Variants in TMEM175 observed in about 807,000 individuals in gnomAD.
TMEM175 encodes transmembrane protein 175.
TMEM175 carries 36 observed loss-of-function variants against 36.5 expected under a neutral mutation model. That is an observed-to-expected ratio of 0.99 (90% CI 0.76 to 1.30). The LOEUF is 1.30. Ranked by LOEUF, TMEM175 falls within the 50% of genes most tolerant of loss-of-function variation. The pLI is 0.00. For synonymous variants in TMEM175, 339 were observed against 313.4 expected (o/e 1.08, Z -0.86); for missense variants, 705 against 692.8 (o/e 1.02, Z -0.20).
At chr4:957,358 G>T (rs980488327) in intron 10 of TMEM175, among the ~76,000 whole-genome samples, 2 of 152,190 alleles carry the variant, frequency 1.3e-5, no homozygotes, top group African/African-American at 2.4e-5. Context: ...GAGGGAGTTG[G>T]CCTCCTGAGA....
At chr4:954,591 C>G (rs191203772) in intron 8 of TMEM175, among the ~76,000 whole-genome samples, 6 of 152,302 alleles carry the variant, frequency 3.9e-5, no homozygotes, top group African/African-American at 1.2e-4. Flanking sequence ...AGTGATGCCT[C>G]TCTGAGCATT....
intron 10 of TMEM175, chr4:956,404 G>A (rs931018796): frequency 1.9e-5 from 24 of 1,288,972 alleles, no homozygotes; most frequent in African/African-American, 1.7e-4. Flanking sequence ...GTTAGAGCGC[G>A]CGTCTCGTCT....
At position 957,870 on chromosome 4, in the gene TMEM175, G is replaced by A. The variant is rs753603037; in HGVS notation, c.889G>A (p.Gly297Ser). Residue 297 changes from glycine to serine, a missense_variant, in exon 11 of 11, where the codon GGC (glycine) becomes AGC (serine). Transcript: ENST00000264771. ...CAAGGATGTGAAGGAGAGGTTCAGC[G>A]GCAGCCTCGTGGCCGCCCTGAGTGC... Reference protein sequence around the residue: ...DPKDVKERFSGSLVAALSATG... With the variant: ...DPKDVKERFSSSLVAALSATG... 1.1e-5 allele frequency: 17 copies of A among 1,612,422 alleles called. No individual in the cohort carries two copies. The highest frequency in any genetic ancestry group is 6.7e-5 in the Admixed American group (4 of 59,978).
intron 1 of TMEM175, among the ~76,000 whole-genome samples, chr4:938,836 A>G (rs532778667): frequency 8.5e-5 from 13 of 152,388 alleles, no homozygotes; most frequent in South Asian, 8.3e-4. Context: ...TGTAGATTCA[A>G]TGTAAACCAG....
At chr4:944,879 T>C (rs1292841745) in intron 1 of TMEM175, among the ~76,000 whole-genome samples, 2 of 152,030 alleles carry the variant, frequency 1.3e-5, no homozygotes, top group Non-Finnish European at 2.9e-5. Context: ...GGCAAGGAGA[T>C]TGCTTGAGCC....
chr4:951,873 T>TG, intron 6 of TMEM175, 156 bp downstream of exon 6: 1 of 794,722 alleles, frequency 1.3e-6, no homozygotes, highest in Non-Finnish European at 2.1e-6. Flanking sequence ...GTTGGGCTGT[T>TG]GGGGGCTTCT....
chr4:943,356 A>G (rs1174628105), intron 1 of TMEM175, among the ~76,000 whole-genome samples: 1 of 152,092 alleles, frequency 6.6e-6, no homozygotes, highest in African/African-American at 2.4e-5. Flanking sequence ...GGATCAAGCA[A>G]TTCTCCTGCC....
intron 1 of TMEM175, among the ~76,000 whole-genome samples, chr4:936,391 G>A (rs1726783921): frequency 6.6e-6 from 1 of 151,328 alleles, no homozygotes; most frequent in South Asian, 2.1e-4. Flanking sequence ...GTATCAGAGT[G>A]GAATTCAAAA....
Position 948,144 on chromosome 4 carries a change from C to T in TMEM175, c.182C>T (p.Ser61Phe). 1 of 1,614,138 alleles carries T rather than the reference C, an allele frequency of 6.2e-7. No individual in the cohort carries two copies. Among genetic ancestry groups the T allele is most frequent in the Non-Finnish European group, 8.5e-7 (1 of 1,180,028 alleles). ...CTGCCTGTGACCCACACGGAGATCT[C>T]CCCAGAACAGGTAACGGGGCAGGCT... ...MILPVTHTEI[S>F]PEQQFDRSVQ... is the part of the protein sequence containing the mutation. The change falls in exon 3 of 11, where the codon TCC becomes TTC. Residue 61 changes from serine (S) to phenylalanine (F), a missense_variant. Transcript: ENST00000264771.
chr4:934,773 C>A (rs1279385619), intron 1 of TMEM175, among the ~76,000 whole-genome samples: 1 of 152,200 alleles, frequency 6.6e-6, no homozygotes, highest in Non-Finnish European at 1.5e-5. Context: ...TAAGATAATT[C>A]TATCTTAATG....
rs369664195 is a variant in TMEM175, at chr4:950,525, G to A, written c.290+7G>A. 5.0e-6 allele frequency: 8 copies of A among 1,611,804 alleles called. No individual in the cohort carries two copies. In the African/African-American group the frequency reaches 8.0e-5, roughly 16 times the overall value. On this transcript the variant is annotated splice_region_variant and intron_variant, in intron 4 of 10. Coordinates refer to ENST00000264771, the MANE Select transcript of TMEM175 (RefSeq NM_032326.4). ...CCTGGGCAGCACACACAAGGTGGGG[G>A]CCCGGGCGCTTCCAGCGGTCCATAG...
At chr4:953,808 C>A (rs1214523997) in intron 8 of TMEM175, among the ~76,000 whole-genome samples, 1 of 152,210 alleles carries the variant, frequency 6.6e-6, no homozygotes, top group Non-Finnish European at 1.5e-5. Context: ...ACCTCAGCCT[C>A]CCAAGTAGCT....
intron 8 of TMEM175, 21 bp from the exon 9 acceptor site, chr4:955,384 C>G (rs146038944): frequency 5.6e-6 from 9 of 1,609,348 alleles, no homozygotes; most frequent in African/African-American, 2.7e-5. Context: ...GGGCACTGAC[C>G]TGCGGTTTGT....
chr4:947,245 G>T, intron 1 of TMEM175, among the ~76,000 whole-genome samples: 1 of 145,512 alleles, frequency 6.9e-6, no homozygotes, highest in African/African-American at 2.5e-5. Flanking sequence ...CACGGGCCCC[G>T]AGAGCGAGAG....
At chr4:950,348 C>T (rs545922124) in intron 3 of TMEM175, 73 bp from the exon 4 acceptor site, 19 of 1,258,492 alleles carry the variant, frequency 1.5e-5, no homozygotes, top group African/African-American at 4.4e-5. Flanking sequence ...CCCCCCCTCA[C>T]GGTGCTGTCT....
intron 8 of TMEM175, 82 bp downstream of exon 8, chr4:953,436 G>A (rs1729219467): frequency 1.6e-5 from 23 of 1,482,386 alleles, no homozygotes; most frequent in South Asian, 6.6e-5. Flanking sequence ...CAACAAACAC[G>A]GGGGTGGGGG....
Position 951,674 on chromosome 4 carries a change from C to G in TMEM175, c.343-8C>G, listed in dbSNP as rs771168944. 130 of 1,614,022 alleles carry G rather than the reference C, an allele frequency of 8.1e-5. No individual in the cohort carries two copies. Among genetic ancestry groups the G allele is most frequent in the Non-Finnish European group, 1.0e-4 (121 of 1,180,010 alleles). On this transcript the variant is annotated splice_polypyrimidine_tract_variant and splice_region_variant and intron_variant, in intron 5 of 10. Coordinates refer to ENST00000264771, the MANE Select transcript of TMEM175 (RefSeq NM_032326.4). ...GCATCATGGCTGTGATGCCCTCCCT[C>G]CCTCCAGGCCTGCATGATGACCATC... is the stretch of plus-strand genomic sequence containing the variant.
At position 958,423 on chromosome 4, in the gene TMEM175, G is replaced by A. The variant is rs373537498; in HGVS notation, c.1442G>A (p.Arg481Gln). Residue 481 changes from arginine to glutamine, a missense_variant, in exon 11 of 11, where the codon CGG becomes CAG. By Grantham distance (43) the Arg-to-Gln change is conservative (BLOSUM62 1). Transcript: ENST00000264771. ...CTGCGGGTCCTGCGGGGCCTCGCCCGGCCCGAACACCCCCCGCCAGCCCCC... is the reference window on the plus strand; with the variant it reads ...CTGCGGGTCCTGCGGGGCCTCGCCCAGCCCGAACACCCCCCGCCAGCCCCC... ...ATLRVLRGLARPEHPPPAPTG... is the reference protein window; with the variant it reads ...ATLRVLRGLAQPEHPPPAPTG... 9.6e-5 allele frequency: 154 copies of A among 1,596,138 alleles called. No individual in the cohort carries two copies. The African/African-American group carries it at 1.1e-3, about 11-fold the overall frequency.
chr4:948,187 G>A (rs1359617457), intron 3 of TMEM175, 33 bp downstream of exon 3: 2 of 1,614,070 alleles, frequency 1.2e-6, no homozygotes, highest in Non-Finnish European at 1.7e-6. Flanking sequence ...GCGTGGTGTG[G>A]CCCTGCGAAG....
Sources: gnomAD v4.1 joint callset for allele counts (sites outside exome capture counted in the v4.1 genomes callset) on GRCh38, gnomAD v4.1.1 for gene constraint, MANE v1.5 for transcripts, NCBI Gene and HGNC (gene_info 2026-07-23, HGNC 2026-07-21) for gene names.